The following FOXN3 variants were observed in gnomAD, a reference collection of about 807,000 sequenced individuals.
The protein encoded by FOXN3 is forkhead box N3.
Under a neutral mutation model 38.4 loss-of-function variants are expected in FOXN3, and 7 were observed. The observed-to-expected ratio is 0.18, with a 90% CI of 0.10 to 0.34. The LOEUF (loss-of-function observed/expected upper bound fraction) is 0.34, where lower values mean the gene tolerates loss of function less well. Among genes scored for constraint, FOXN3 ranks in the 10% least tolerant of loss-of-function variants. The probability of loss-of-function intolerance (pLI) is 1.00; values close to 1 mark genes in which losing one functional copy is unlikely to be tolerated. For synonymous variants in FOXN3, 230 were observed against 242.2 expected, an observed-to-expected ratio of 0.95 and a Z score of 0.47; for missense variants, 456 against 613.4, an observed-to-expected ratio of 0.74 and a Z score of 2.71.
chr14:89,302,701 G>A (rs1013018596), intron 3 of FOXN3, among the ~76,000 whole-genome samples: 1 of 152,194 alleles, frequency 6.6e-6, no homozygotes, highest in Non-Finnish European at 1.5e-5. Flanking sequence ...CCTGAAGGAT[G>A]TGACTTATCC....
At chr14:89,500,801 G>A (rs1320833070) in intron 1 of FOXN3, among the ~76,000 whole-genome samples, 2 of 152,168 alleles carry the variant, frequency 1.3e-5, no homozygotes, top group Non-Finnish European at 2.9e-5. Flanking sequence ...TGGGAGTCAC[G>A]GGACAGCCTC....
intron 1 of FOXN3, among the ~76,000 whole-genome samples, chr14:89,493,445 C>T (rs1444128967): frequency 6.6e-6 from 1 of 152,182 alleles, no homozygotes; most frequent in Non-Finnish European, 1.5e-5. Flanking sequence ...TGCAAAGTCA[C>T]ACACTTACAA....
rs74078444 is a variant in FOXN3 at position 89,411,339 on chromosome 14, C to T, written c.543+595G>A. Reference sequence around the variant, plus strand: ...CTCTAATGGGACCCTCACTCTGAGCCGGGAATTTCAAAGTTGTCACTTATA... The same window carrying T: ...CTCTAATGGGACCCTCACTCTGAGCTGGGAATTTCAAAGTTGTCACTTATA... On this transcript the variant is annotated intron_variant, in intron 2 of 5. Coordinates refer to ENST00000557258, the MANE Select transcript of FOXN3 (RefSeq NM_005197.4). Among the ~76,000 whole-genome samples, 1,343 of 152,242 alleles carry T rather than the reference C, an allele frequency of 8.8e-3. 23 individuals carry two copies. The highest frequency in any genetic ancestry group is 0.031 in the African/African-American group (1,278 of 41,524).
chr14:89,418,585 G>T (rs1162735017), upstream of FOXN3, among the ~76,000 whole-genome samples: 1 of 152,072 alleles, frequency 6.6e-6, no homozygotes, highest in Non-Finnish European at 1.5e-5. Flanking sequence ...GGGGTAGCCT[G>T]AGGTCATCCA....
chr14:89,508,185 G>T (rs1163418105), intron 1 of FOXN3, among the ~76,000 whole-genome samples: 1 of 152,178 alleles, frequency 6.6e-6, no homozygotes, highest in Non-Finnish European at 1.5e-5. Flanking sequence ...TTCCGCATCT[G>T]GAACCACTGG....
chr14:89,452,513 C>G (rs1261596617), intron 1 of FOXN3, among the ~76,000 whole-genome samples: 4 of 152,178 alleles, frequency 2.6e-5, no homozygotes, highest in Admixed American at 1.3e-4. Flanking sequence ...GCTGCGAGGC[C>G]ATCTGGGTTA....
intron 3 of FOXN3, among the ~76,000 whole-genome samples, chr14:89,349,030 A>G (rs1296082509): frequency 2.0e-5 from 3 of 152,224 alleles, no homozygotes; most frequent in Non-Finnish European, 4.4e-5. Flanking sequence ...TCTGAGGTGC[A>G]GAGTGGAAAA....
At chr14:89,503,214 C>T (rs7147123) in intron 1 of FOXN3, among the ~76,000 whole-genome samples, 18,527 of 151,936 alleles carry the variant, frequency 0.12, 2,444 homozygotes, top group African/African-American at 0.34. Context: ...ATGTCTGACA[C>T]GTGCTACTGC....
At chr14:89,379,368 G>T (rs1890575413) in intron 2 of FOXN3, among the ~76,000 whole-genome samples, 1 of 152,110 alleles carries the variant, frequency 6.6e-6, no homozygotes, top group Admixed American at 6.6e-5. Context: ...CAGCCCTATT[G>T]GTATTTGCGG....
chr14:89,498,344 T>G (rs976335405), intron 1 of FOXN3, among the ~76,000 whole-genome samples: 1 of 149,836 alleles, frequency 6.7e-6, no homozygotes, highest in African/African-American at 2.5e-5. Context: ...TGCCTCAGCC[T>G]CCAGAGTAGC....
chr14:89,579,284 C>T (rs139487279), intron 1 of FOXN3, among the ~76,000 whole-genome samples: 160 of 151,270 alleles, frequency 1.1e-3, no homozygotes, highest in African/African-American at 3.7e-3. Context: ...CTGAGTAGCT[C>T]GGACCACAAG....
intron 2 of FOXN3, among the ~76,000 whole-genome samples, chr14:89,397,998 G>T (rs536958810): frequency 4.5e-4 from 69 of 152,114 alleles, no homozygotes; most frequent in Middle Eastern, 3.4e-3. Flanking sequence ...TCTCCCTGTC[G>T]CCAGCCCCAG....
intron 4 of FOXN3, among the ~76,000 whole-genome samples, chr14:89,243,645 T>C (rs528865050): frequency 6.6e-6 from 1 of 151,590 alleles, no homozygotes; most frequent in East Asian, 1.9e-4. Context: ...TCTGAGAGGG[T>C]TTATCTTCCT....
intron 4 of FOXN3, among the ~76,000 whole-genome samples, chr14:89,271,748 A>C (rs1886155991): frequency 6.6e-6 from 1 of 152,244 alleles, no homozygotes; most frequent in Non-Finnish European, 1.5e-5. Context: ...TAAATGAAAG[A>C]AGACAAAGTT....
intron 1 of FOXN3, among the ~76,000 whole-genome samples, chr14:89,487,702 C>A (rs550658530): frequency 2.0e-5 from 3 of 152,260 alleles, no homozygotes; most frequent in Admixed American, 2.0e-4. Context: ...TGATAAAGAA[C>A]CGGCCCTCGA....
chr14:89,395,138 A>G (rs1891068269), intron 2 of FOXN3, among the ~76,000 whole-genome samples: 1 of 152,206 alleles, frequency 6.6e-6, no homozygotes, highest in South Asian at 2.1e-4. Context: ...CCCTATGGAC[A>G]CTGGTTATCT....
At chr14:89,424,977 C>G (rs565356609) in intron 1 of FOXN3, among the ~76,000 whole-genome samples, 1 of 151,978 alleles carries the variant, frequency 6.6e-6, no homozygotes, top group South Asian at 2.1e-4. Context: ...TTATCTGATA[C>G]AAGAGGAGAT....
intron 4 of FOXN3, among the ~76,000 whole-genome samples, chr14:89,199,241 C>T (rs532909009): frequency 6.6e-6 from 1 of 152,288 alleles, no homozygotes; most frequent in East Asian, 1.9e-4. Flanking sequence ...GAACTGCAAA[C>T]ACCTTAGGGG....
At position 89,387,770 on chromosome 14, in the gene FOXN3, G is replaced by A. The variant is rs528053710; in HGVS notation, c.543+24164C>T. Among the ~76,000 whole-genome samples, 109 of 152,332 alleles carry A rather than the reference G, an allele frequency of 7.2e-4. 1 individual carries two copies. Among genetic ancestry groups the A allele is most frequent in the African/African-American group, 2.5e-3 (105 of 41,568 alleles). On this transcript the variant is annotated intron_variant, in intron 2 of 5. Coordinates refer to ENST00000557258, the MANE Select transcript of FOXN3 (RefSeq NM_005197.4). ...TGGGGTATACAGAAAGAAGAGGGAG[G>A]AGGAGCAGGTAAAGCCAGCATGAAC...
Sources: allele counts gnomAD v4.1 joint callset (sites outside exome capture counted in the v4.1 genomes callset), GRCh38; gene constraint gnomAD v4.1.1; transcripts MANE v1.5; gene names NCBI Gene and HGNC (gene_info 2026-07-23, HGNC 2026-07-21).